Variants in FOXP1 observed in about 807,000 individuals in gnomAD.
FOXP1 encodes the protein forkhead box P1.
Under a neutral mutation model 98.2 loss-of-function variants are expected in FOXP1, and 15 were observed. The ratio of observed to expected loss-of-function variants is 0.15; its 90% CI spans 0.10 to 0.24. The LOEUF (loss-of-function observed/expected upper bound fraction) is 0.24, where lower values mean the gene tolerates loss of function less well. Among genes scored for constraint, FOXP1 ranks in the 10% least tolerant of loss-of-function variants. The pLI, the probability that FOXP1 is intolerant of heterozygous loss-of-function variation, is 1.00. For missense variants in FOXP1, 633 were observed against 848.5 expected (o/e 0.75, Z 3.15); for synonymous variants, 371 against 314.5 (o/e 1.18, Z -1.90).
intron 3 of FOXP1, among the ~76,000 whole-genome samples, chr3:71,461,205 T>C (rs1269613538): frequency 6.6e-6 from 1 of 152,212 alleles, no homozygotes; most frequent in African/African-American, 2.4e-5. Flanking sequence ...CAAAGCATAT[T>C]ATATGGTGGT....
At chr3:70,986,820 G>C (rs1295965599) in intron 14 of FOXP1, among the ~76,000 whole-genome samples, 5 of 152,080 alleles carry the variant, frequency 3.3e-5, no homozygotes, top group Admixed American at 2.0e-4. Context: ...ATAATTTTAT[G>C]TCCTTTATCT....
intron 3 of FOXP1, among the ~76,000 whole-genome samples, chr3:71,392,181 A>C (rs1452723182): frequency 1.3e-5 from 2 of 152,142 alleles, no homozygotes; most frequent in Admixed American, 1.3e-4. Context: ...CCTTTATAAA[A>C]CTCAACTAGA....
chr3:71,325,542 A>G lies in FOXP1; in HGVS notation c.-72-25662T>C, dbSNP rs1382957735. Among the ~76,000 whole-genome samples, 5 of 152,240 alleles carry G rather than the reference A, an allele frequency of 3.3e-5. No homozygotes were observed. In the East Asian group the frequency reaches 9.6e-4, roughly 29 times the overall value. ...AAAGAAGTCCTCTGAAGTCCCTAAG[A>G]TACTTCTAACCACTGCTTTCAGTCT... On this transcript the variant is annotated intron_variant, in intron 4 of 20. Transcript: ENST00000649528.
chr3:71,215,707 TA>T (rs2064864099), intron 5 of FOXP1, among the ~76,000 whole-genome samples: 1 of 152,218 alleles, frequency 6.6e-6, no homozygotes, highest in African/African-American at 2.4e-5. Context: ...ATATGAGGAC[TA>T]TAACATCAAT....
intron 6 of FOXP1, among the ~76,000 whole-genome samples, chr3:71,129,283 T>A (rs1019890545): frequency 6.6e-6 from 1 of 152,196 alleles, no homozygotes; most frequent in Non-Finnish European, 1.5e-5. Flanking sequence ...AACATCTTAT[T>A]TTTTCTTGCA....
Position 70,955,832 on chromosome 3 carries a change from GCACACACA to G in FOXP1, c.*3407_*3414del, listed in dbSNP as rs143202281. 2.7e-5 allele frequency: 6 copies of G among 221,536 alleles called. No individual in the cohort carries two copies. Among genetic ancestry groups the G allele is most frequent in the Admixed American group, 5.9e-5 (1 of 16,928 alleles). The allele number at this position is 221,536 out of a possible 1,614,324, so 13.7% of individuals were successfully genotyped here. On this transcript the variant is annotated 3_prime_UTR_variant, in exon 21 of 21. Transcript: ENST00000649528. ...AACAGATTAACACACACGCACGCGC[GCACACACA>G]CACACACACACACACAAAACCTGTA...
chr3:71,050,496 G>T (rs905990003), intron 9 of FOXP1, among the ~76,000 whole-genome samples: 3 of 152,176 alleles, frequency 2.0e-5, no homozygotes, highest in Non-Finnish European at 4.4e-5. Flanking sequence ...CCTTTGAAAA[G>T]AAAGAAGCAC....
intron 3 of FOXP1, among the ~76,000 whole-genome samples, chr3:71,468,163 G>A (rs1189821653): frequency 6.6e-6 from 1 of 151,514 alleles, no homozygotes; most frequent in Non-Finnish European, 1.5e-5. Flanking sequence ...TTTTTGGTGA[G>A]ATAAAAATAC....
chr3:71,446,356 G>T (rs1484305640), intron 3 of FOXP1, among the ~76,000 whole-genome samples: 1 of 152,092 alleles, frequency 6.6e-6, no homozygotes, highest in South Asian at 2.1e-4. Context: ...AACAGGGAGG[G>T]TAATAAGCAG....
chr3:71,082,953 T>C (rs1047793942), intron 7 of FOXP1, among the ~76,000 whole-genome samples: 1 of 152,196 alleles, frequency 6.6e-6, no homozygotes, highest in East Asian at 1.9e-4. Flanking sequence ...CTCCTCCATC[T>C]TCTAAAAGGA....
chr3:71,431,387 C>G (rs994196213), intron 3 of FOXP1, among the ~76,000 whole-genome samples: 1 of 152,148 alleles, frequency 6.6e-6, no homozygotes, highest in African/African-American at 2.4e-5. Context: ...ACTTTTCACT[C>G]CAGTGAATAC....
At chr3:71,214,585 T>C (rs1327478056) in intron 5 of FOXP1, among the ~76,000 whole-genome samples, 1 of 152,148 alleles carries the variant, frequency 6.6e-6, no homozygotes, top group South Asian at 2.1e-4. Context: ...CTGGACATCT[T>C]TGGGACAGGA....
chr3:70,984,034 GTT>G (rs936229270), intron 14 of FOXP1, among the ~76,000 whole-genome samples: 2 of 152,056 alleles, frequency 1.3e-5, no homozygotes, highest in African/African-American at 4.8e-5. Flanking sequence ...GTTTACTATT[GTT>G]TGTTTTTGCT....
At chr3:71,373,640 C>T (rs2079502814) in intron 3 of FOXP1, among the ~76,000 whole-genome samples, 1 of 152,234 alleles carries the variant, frequency 6.6e-6, no homozygotes, top group Non-Finnish European at 1.5e-5. Flanking sequence ...CATTAATTTA[C>T]TTCTTGTGTG....
intron 7 of FOXP1, among the ~76,000 whole-genome samples, chr3:71,056,312 T>A (rs994998773): frequency 9.2e-5 from 14 of 152,202 alleles, no homozygotes; most frequent in Admixed American, 3.9e-4. Flanking sequence ...GGGGGAATCA[T>A]GGAAAGGACT....
chr3:71,398,747 T>C (rs1302481158), intron 3 of FOXP1, among the ~76,000 whole-genome samples: 1 of 152,178 alleles, frequency 6.6e-6, no homozygotes, highest in East Asian at 1.9e-4. Flanking sequence ...ACTTACATCT[T>C]CATGATGAGA....
chr3:71,165,345 C>T (rs994410871), intron 6 of FOXP1, among the ~76,000 whole-genome samples: 1 of 151,270 alleles, frequency 6.6e-6, no homozygotes, highest in African/African-American at 2.4e-5. Flanking sequence ...TGAACGTTTA[C>T]CTCATTTAAG....
At chr3:71,419,996 T>C (rs1003010584) in intron 3 of FOXP1, among the ~76,000 whole-genome samples, 1 of 151,980 alleles carries the variant, frequency 6.6e-6, no homozygotes, top group Non-Finnish European at 1.5e-5. Context: ...TTTGTAATTT[T>C]AGTAGAGACG....
At chr3:71,134,146 T>C (rs1035688206) in intron 6 of FOXP1, among the ~76,000 whole-genome samples, 7 of 152,218 alleles carry the variant, frequency 4.6e-5, no homozygotes, top group Non-Finnish European at 1.0e-4. Context: ...GCTTTCAGTA[T>C]CTTGTTTCTT....
Sources: allele counts gnomAD v4.1 joint callset (sites outside exome capture counted in the v4.1 genomes callset), GRCh38; gene constraint gnomAD v4.1.1; transcripts MANE v1.5; gene names NCBI Gene and HGNC (gene_info 2026-07-23, HGNC 2026-07-21).